Variants in KCNQ1OT1 observed in about 807,000 individuals in gnomAD.
KCNQ1OT1 encodes KCNQ1 antisense RNA 2 (non-protein coding).
Position 2,691,212 on chromosome 11 carries a change from T to G in KCNQ1OT1, n.8783A>C, listed in dbSNP as rs908516430. On this transcript the variant is annotated non_coding_transcript_exon_variant, in exon 1 of 1. Transcript: ENST00000597346. This position sits in a 1 kb window ranked among gnomAD's most constrained non-coding sequence, Gnocchi z 6.4. ...TCAGCTGTGTTTAAAAATTAGCAAGTGGAGGAGTTAGAGGATCTGCAGTTA... is the reference window on the plus strand; with the variant it reads ...TCAGCTGTGTTTAAAAATTAGCAAGGGGAGGAGTTAGAGGATCTGCAGTTA... The G allele has an allele frequency of 4.0e-5, 16 of 398,374 alleles. No homozygotes were observed. Among genetic ancestry groups the G allele is most frequent in the Non-Finnish European group, 6.6e-5 (15 of 226,074 alleles). 24.7% of individuals were successfully genotyped at this position (398,374 alleles called of 1,614,324 possible).
At chr11:2,631,413 C>A (rs1325256933) in exon 1 of KCNQ1OT1, 2 of 398,384 alleles carry the variant, frequency 5.0e-6, no homozygotes, top group Non-Finnish European at 8.8e-6. Context: ...TATTCTTCAC[C>A]TCCAAAATGT....
At position 2,645,603 on chromosome 11, in the gene KCNQ1OT1, GT is replaced by G. The variant is rs1358744105; in HGVS notation, n.54391del. ...TGGGCAATGCATGCTTCGGCCCCAG[GT>G]GGTGACTATGGGCAGGGTCACCTTT... On this transcript the variant is annotated non_coding_transcript_exon_variant, in exon 1 of 1. Coordinates refer to ENST00000597346, the Ensembl canonical transcript of KCNQ1OT1. The surrounding 1 kb of genome is among the most constrained non-coding windows in gnomAD (Gnocchi z 5.8). 4 of 398,642 alleles carry G rather than the reference GT, an allele frequency of 1.0e-5. No individual in the cohort carries two copies. The highest frequency in any genetic ancestry group is 8.8e-5 in the Admixed American group (2 of 22,720). The allele number at this position is 398,642 out of a possible 1,614,324, so 24.7% of individuals were successfully genotyped here. A position where few individuals can be genotyped will look rare whatever the true frequency, so the allele number is the denominator to read the frequency against.
chr11:2,631,348 A>G (rs1006998235), exon 1 of KCNQ1OT1: 4 of 398,026 alleles, frequency 1.0e-5, no homozygotes, highest in South Asian at 2.5e-4. Context: ...TCCTCCTTCT[A>G]TTTGATCAAG....
In KCNQ1OT1 at chr11:2,676,082, C is replaced by T. The variant is rs944025850; in HGVS notation, n.23913G>A. The T allele has an allele frequency of 2.5e-5, 10 of 398,612 alleles. No individual in the cohort carries two copies. Among genetic ancestry groups the T allele is most frequent in the East Asian group, 1.4e-4 (4 of 28,086 alleles). 24.7% of individuals were successfully genotyped at this position (398,612 alleles called of 1,614,324 possible). ...GACGTATTTTATATAAACAAATATACGTGTGTCTGTGTGTGCATGTACTTA... is the reference window on the plus strand; with the variant it reads ...GACGTATTTTATATAAACAAATATATGTGTGTCTGTGTGTGCATGTACTTA... On this transcript the variant is annotated non_coding_transcript_exon_variant, in exon 1 of 1. Coordinates refer to ENST00000597346, the Ensembl canonical transcript of KCNQ1OT1. This position sits in a 1 kb window ranked among gnomAD's most constrained non-coding sequence, Gnocchi z 4.2.
chr11:2,646,100 T>A (rs1309118880), exon 1 of KCNQ1OT1: 1 of 398,670 alleles, frequency 2.5e-6, no homozygotes, highest in Non-Finnish European at 4.4e-6. Context: ...ACTCCCCTCT[T>A]ATCCCTTGCA....
exon 1 of KCNQ1OT1, chr11:2,665,776 C>A: frequency 5.0e-6 from 2 of 398,544 alleles, no homozygotes; most frequent in South Asian, 2.6e-4. Context: ...GATTGCTGCT[C>A]ACTCAACCCT....
At position 2,627,166 on chromosome 11, in the gene KCNQ1OT1, T is replaced by A; in HGVS notation, n.72829A>T. 2.5e-6 allele frequency: 1 copy of A among 398,568 alleles called. No individual in the cohort carries two copies. Among genetic ancestry groups the A allele is most frequent in the Non-Finnish European group, 4.4e-6 (1 of 226,042 alleles). The allele number at this position is 398,568 out of a possible 1,614,324, so 24.7% of individuals were successfully genotyped here. ...GTAAAGTTGGTTCCTAAGTTTGTTA[T>A]TCTTGATGCTTTTTTCAGCTTTTAT... On this transcript the variant is annotated non_coding_transcript_exon_variant, in exon 1 of 1. Transcript: ENST00000597346. This position sits in a 1 kb window ranked among gnomAD's most constrained non-coding sequence, Gnocchi z 4.9.
In KCNQ1OT1 at chr11:2,620,940, T is replaced by TG. The variant is rs1463709491; in HGVS notation, n.79054_79055insC. The TG allele has an allele frequency of 9.7e-6, 3 of 308,276 alleles. No homozygotes were observed. The highest frequency in any genetic ancestry group is 2.5e-4 in the South Asian group (1 of 4,076). 19.1% of individuals were successfully genotyped at this position (308,276 alleles called of 1,614,324 possible). ...TTTGGTGTTTTTTTGTTGTTGTTGT[T>TG]TTGTTTTGTTTTTTTTTGTCTGTTT... On this transcript the variant is annotated non_coding_transcript_exon_variant, in exon 1 of 1. Coordinates refer to ENST00000597346, the Ensembl canonical transcript of KCNQ1OT1. The surrounding 1 kb of genome is among the most constrained non-coding windows in gnomAD (Gnocchi z 4.5).
exon 1 of KCNQ1OT1, chr11:2,628,260 A>G (rs1318844550): frequency 7.5e-6 from 3 of 398,520 alleles, no homozygotes; most frequent in Middle Eastern, 6.2e-4. Context: ...ACAAAAATGT[A>G]TAAGGGACAC....
At position 2,673,671 on chromosome 11, in the gene KCNQ1OT1, G is replaced by A. The variant is rs1037931903; in HGVS notation, n.26324C>T. The A allele has an allele frequency of 7.5e-6, 3 of 398,618 alleles. No homozygotes were observed. Among genetic ancestry groups the A allele is most frequent in the Non-Finnish European group, 1.3e-5 (3 of 226,156 alleles). The allele number at this position is 398,618 out of a possible 1,614,324, so 24.7% of individuals were successfully genotyped here. ...ACTCATGTCCCTTGTCTGCATAGGT[G>A]TTTTCCTATAAATGTTTAATTCCTG... On this transcript the variant is annotated non_coding_transcript_exon_variant, in exon 1 of 1. Transcript: ENST00000597346. This position sits in a 1 kb window ranked among gnomAD's most constrained non-coding sequence, Gnocchi z 4.5.
At position 2,668,832 on chromosome 11, in the gene KCNQ1OT1, C is replaced by T. The variant is rs139908349; in HGVS notation, n.31163G>A. ...TGGTCCAGTTAATCAAACATTTCCT[C>T]TCTGGATAGGGCTGTTTGTGTCCTA... On this transcript the variant is annotated non_coding_transcript_exon_variant, in exon 1 of 1. Transcript: ENST00000597346. This position sits in a 1 kb window ranked among gnomAD's most constrained non-coding sequence, Gnocchi z 4.3. The T allele has an allele frequency of 2.3e-3, 904 of 398,616 alleles. 9 individuals are homozygous for T. In the East Asian group the frequency reaches 0.024, roughly 11 times the overall value. 24.7% of individuals were successfully genotyped at this position (398,616 alleles called of 1,614,324 possible). A position where few individuals can be genotyped will look rare whatever the true frequency, so the allele number is the denominator to read the frequency against.
At chr11:2,630,635 A>G (rs889009869) in exon 1 of KCNQ1OT1, 1 of 398,138 alleles carries the variant, frequency 2.5e-6, no homozygotes, top group Non-Finnish European at 4.4e-6. Flanking sequence ...TTACACTATT[A>G]GAGTATTCTT....
At position 2,698,190 on chromosome 11, in the gene KCNQ1OT1, C is replaced by G. The variant is rs996906715; in HGVS notation, n.1805G>C. 1 of 398,440 alleles carries G rather than the reference C, an allele frequency of 2.5e-6. No individual in the cohort carries two copies. Among genetic ancestry groups the G allele is most frequent in the African/African-American group, 2.1e-5 (1 of 48,586 alleles). The allele number at this position is 398,440 out of a possible 1,614,324, so 24.7% of individuals were successfully genotyped here. On this transcript the variant is annotated non_coding_transcript_exon_variant, in exon 1 of 1. Coordinates refer to ENST00000597346, the Ensembl canonical transcript of KCNQ1OT1. The surrounding 1 kb of genome is among the most constrained non-coding windows in gnomAD (Gnocchi z 5.1). Reference sequence around the variant, plus strand: ...GCTTTTGGTCTAGCAAAAGGGGCACCACAGTAAAGAAAGAACTGGTAAATG... The same window carrying G: ...GCTTTTGGTCTAGCAAAAGGGGCACGACAGTAAAGAAAGAACTGGTAAATG...
In KCNQ1OT1 at chr11:2,696,334, G is replaced by A. The variant is rs191910825; in HGVS notation, n.3661C>T. The A allele has an allele frequency of 4.4e-3, 1,738 of 398,590 alleles. No individual in the cohort carries two copies. The highest frequency in any genetic ancestry group is 6.2e-3 in the Non-Finnish European group (1,412 of 226,064). The allele number at this position is 398,590 out of a possible 1,614,324, so 24.7% of individuals were successfully genotyped here. On this transcript the variant is annotated non_coding_transcript_exon_variant, in exon 1 of 1. Coordinates refer to ENST00000597346, the Ensembl canonical transcript of KCNQ1OT1. ...ATTCCTATTCCTCCATTTTAGGGCT[G>A]GCTTTCCAACATCATCTTCTGAACA...
rs1849646629 is a variant in KCNQ1OT1 at position 2,645,098 on chromosome 11, G to A, written n.54897C>T. Reference sequence around the variant, plus strand: ...CAGGGTGGGTAGGTCCTTGAGCTCTGAGCAGCAGATATGGCTTGGGCAATG... The same window carrying A: ...CAGGGTGGGTAGGTCCTTGAGCTCTAAGCAGCAGATATGGCTTGGGCAATG... On this transcript the variant is annotated non_coding_transcript_exon_variant, in exon 1 of 1. Coordinates refer to ENST00000597346, the Ensembl canonical transcript of KCNQ1OT1. The surrounding 1 kb of genome is among the most constrained non-coding windows in gnomAD (Gnocchi z 5.8). 2.5e-6 allele frequency: 1 copy of A among 398,644 alleles called. No homozygotes were observed. The highest frequency in any genetic ancestry group is 4.4e-6 in the Non-Finnish European group (1 of 226,104). The allele number at this position is 398,644 out of a possible 1,614,324, so 24.7% of individuals were successfully genotyped here. A position where few individuals can be genotyped will look rare whatever the true frequency, so the allele number is the denominator to read the frequency against.
rs1396684153 is a variant in KCNQ1OT1 at position 2,664,005 on chromosome 11, A to G, written n.35990T>C. ...GCTCTCTGCCCACTTTGGGTCTGGC[A>G]CATTACCATTCTGCAAGATCCTGCA... On this transcript the variant is annotated non_coding_transcript_exon_variant, in exon 1 of 1. Transcript: ENST00000597346. The surrounding 1 kb of genome is among the most constrained non-coding windows in gnomAD (Gnocchi z 5.1). 2.3e-5 allele frequency: 9 copies of G among 398,714 alleles called. No individual in the cohort carries two copies. The East Asian group carries it at 3.2e-4, about 14-fold the overall frequency. 24.7% of individuals were successfully genotyped at this position (398,714 alleles called of 1,614,324 possible). A position where few individuals can be genotyped will look rare whatever the true frequency, so the allele number is the denominator to read the frequency against.
chr11:2,614,249 C>G, exon 1 of KCNQ1OT1: 1 of 398,574 alleles, frequency 2.5e-6, no homozygotes, highest in Non-Finnish European at 4.4e-6. Context: ...CTGCTCTGGA[C>G]TACCTATTTC....
chr11:2,669,353 T>C lies in KCNQ1OT1; in HGVS notation n.30642A>G. On this transcript the variant is annotated non_coding_transcript_exon_variant, in exon 1 of 1. Transcript: ENST00000597346. The surrounding 1 kb of genome is among the most constrained non-coding windows in gnomAD (Gnocchi z 5.6). ...AGGCGCAGCAGCCTCTAGATGGGCA[T>C]GGGAGAATGGGTATCCTTATAGTTT... 2.5e-6 allele frequency: 1 copy of C among 398,664 alleles called. No individual in the cohort carries two copies. The highest frequency in any genetic ancestry group is 4.4e-5 in the Admixed American group (1 of 22,742). 24.7% of individuals were successfully genotyped at this position (398,664 alleles called of 1,614,324 possible).
Position 2,642,530 on chromosome 11 carries a change from A to G in KCNQ1OT1, n.57465T>C, listed in dbSNP as rs930233384. On this transcript the variant is annotated non_coding_transcript_exon_variant, in exon 1 of 1. Coordinates refer to ENST00000597346, the Ensembl canonical transcript of KCNQ1OT1. This position sits in a 1 kb window ranked among gnomAD's most constrained non-coding sequence, Gnocchi z 4.3. ...TATGAGTTGTAATATCCCCTTTTTC[A>G]TTTTTGATTTTATTCATGTAGGTCT... The G allele has an allele frequency of 5.0e-6, 2 of 397,446 alleles. No individual in the cohort carries two copies. Among genetic ancestry groups the G allele is most frequent in the Admixed American group, 8.8e-5 (2 of 22,658 alleles). The allele number at this position is 397,446 out of a possible 1,614,324, so 24.6% of individuals were successfully genotyped here. A position where few individuals can be genotyped will look rare whatever the true frequency, so the allele number is the denominator to read the frequency against.
Sources: allele counts gnomAD v4.1 joint callset, GRCh38; gene constraint gnomAD v4.1.1; non-coding constraint Gnocchi (gnomAD v3.1); transcripts MANE v1.5; gene names NCBI Gene and HGNC (gene_info 2026-07-23, HGNC 2026-07-21).